GKAP1: variants seen among roughly 807,000 people sequenced by gnomAD.
GKAP1 encodes G kinase-anchoring protein 1.
Under a neutral mutation model 56.7 loss-of-function variants are expected in GKAP1, and 31 were observed. The ratio of observed to expected loss-of-function variants is 0.55; its 90% CI spans 0.41 to 0.74. The LOEUF (loss-of-function observed/expected upper bound fraction) is 0.74, where lower values mean the gene tolerates loss of function less well. GKAP1 is among the 30% of genes least tolerant of loss of function. The pLI is 0.00. For missense variants in GKAP1, 364 were observed against 402.3 expected, an observed-to-expected ratio of 0.90 and a Z score of 0.82; for synonymous variants, 151 against 138.6, an observed-to-expected ratio of 1.09 and a Z score of -0.63.
At chr9:83,802,935 C>G (rs1352619147) in intron 3 of GKAP1, among the ~76,000 whole-genome samples, 3 of 151,930 alleles carry the variant, frequency 2.0e-5, no homozygotes, top group African/African-American at 4.8e-5. Flanking sequence ...TGATGAAACC[C>G]TGTCTCTACC....
intron 5 of GKAP1, among the ~76,000 whole-genome samples, chr9:83,787,248 T>G (rs1944080496): frequency 6.6e-6 from 1 of 152,218 alleles, no homozygotes; most frequent in Non-Finnish European, 1.5e-5. Flanking sequence ...TGAATTTTTT[T>G]GTTAAGATGG....
chr9:83,762,284 A>G (rs1218995976), intron 8 of GKAP1, among the ~76,000 whole-genome samples: 1 of 152,190 alleles, frequency 6.6e-6, no homozygotes, highest in Non-Finnish European at 1.5e-5. Flanking sequence ...AAAAATCAAC[A>G]AAAGTAATCC....
rs73480183 is a variant in GKAP1 at position 83,784,199 on chromosome 9, G to A, written c.562+516C>T. Among the ~76,000 whole-genome samples the A allele has an allele frequency of 9.8e-3, 1,492 of 151,820 alleles. 20 individuals carry two copies. Among genetic ancestry groups the A allele is most frequent in the African/African-American group, 0.034 (1,417 of 41,508 alleles). On this transcript the variant is annotated intron_variant, in intron 6 of 12. Coordinates refer to ENST00000376371, the MANE Select transcript of GKAP1 (RefSeq NM_025211.4). ...TAAGAATTGCTTGAGTCGTGGAGGC[G>A]GAGGTTACAGTGAGCCATGACTGCA...
intron 8 of GKAP1, among the ~76,000 whole-genome samples, chr9:83,763,542 C>G (rs1943610389): frequency 1.3e-5 from 2 of 152,100 alleles, no homozygotes; most frequent in Non-Finnish European, 2.9e-5. Context: ...ATATATACAC[C>G]TACTATGTAG....
At chr9:83,798,300 C>G (rs1944279086) in intron 4 of GKAP1, among the ~76,000 whole-genome samples, 1 of 152,180 alleles carries the variant, frequency 6.6e-6, no homozygotes, top group East Asian at 1.9e-4. Flanking sequence ...CATATAGCAT[C>G]TCCTAGAGTA....
intron 1 of GKAP1, 82 bp downstream of exon 1, chr9:83,817,435 G>T (rs1194374038): frequency 2.6e-5 from 4 of 151,578 alleles, no homozygotes; most frequent in African/African-American, 9.7e-5. Context: ...GGGCGCCGAG[G>T]GGAGCGCTGT....
At chr9:83,799,447 G>A in intron 3 of GKAP1, 119 bp from the exon 4 acceptor site, 1 of 667,888 alleles carries the variant, frequency 1.5e-6, no homozygotes, top group Non-Finnish European at 2.5e-6. Context: ...CACTCGTTTT[G>A]CTAACTCACA....
chr9:83,809,023 CA>C (rs927516971), intron 2 of GKAP1, among the ~76,000 whole-genome samples: 5 of 152,244 alleles, frequency 3.3e-5, no homozygotes, highest in African/African-American at 1.2e-4. Context: ...AGCAAGAAAG[CA>C]ACTTTGCTGC....
chr9:83,782,852 A>G (rs1240725810), intron 6 of GKAP1, among the ~76,000 whole-genome samples: 3 of 151,564 alleles, frequency 2.0e-5, no homozygotes, highest in African/African-American at 7.3e-5. Context: ...TATTTTTAGT[A>G]GAGACAGGGT....
At chr9:83,767,473 C>T (rs1943683981) in intron 8 of GKAP1, among the ~76,000 whole-genome samples, 1 of 151,784 alleles carries the variant, frequency 6.6e-6, no homozygotes, top group African/African-American at 2.4e-5. Context: ...GATTCTCCTC[C>T]TCAGCCTTCC....
intron 2 of GKAP1, among the ~76,000 whole-genome samples, chr9:83,808,318 G>A (rs1001770532): frequency 9.2e-5 from 14 of 152,212 alleles, no homozygotes; most frequent in South Asian, 6.2e-4. Flanking sequence ...CTTATAGGCC[G>A]GGTGCAGTGG....
At chr9:83,815,629 C>T (rs2131334907) in intron 2 of GKAP1, among the ~76,000 whole-genome samples, 1 of 151,992 alleles carries the variant, frequency 6.6e-6, no homozygotes, top group African/African-American at 2.4e-5. Context: ...AAATCAAGAA[C>T]AACCAAATAT....
rs1374414445 is a variant in GKAP1 at position 83,784,757 on chromosome 9, C to A, written c.520G>T (p.Asp174Tyr). Reference sequence around the variant, plus strand: ...TTTAGTGATACTGTGAGAGGTCTGTCTTTTCCCTGATGATTCTTTCTTTTA... The same window carrying A: ...TTTAGTGATACTGTGAGAGGTCTGTATTTTCCCTGATGATTCTTTCTTTTA... ...KDKRKNHQGK[D>Y]RPLTVSLKDF... Residue 174 changes from aspartate to tyrosine, a missense_variant, in exon 6 of 13, where the codon GAC becomes TAC. Coordinates refer to ENST00000376371, the MANE Select transcript of GKAP1 (RefSeq NM_025211.4). 6.2e-7 allele frequency: 1 copy of A among 1,604,864 alleles called. No individual in the cohort carries two copies. Among genetic ancestry groups the A allele is most frequent in the Non-Finnish European group, 8.5e-7 (1 of 1,174,650 alleles).
intron 8 of GKAP1, among the ~76,000 whole-genome samples, chr9:83,757,142 C>T (rs752243083): frequency 2.6e-5 from 4 of 151,840 alleles, no homozygotes; most frequent in African/African-American, 7.3e-5. Context: ...CCAGGTTTTC[C>T]GTGTCTCGGG....
At chr9:83,764,716 T>C (rs918492440) in intron 8 of GKAP1, among the ~76,000 whole-genome samples, 6 of 152,136 alleles carry the variant, frequency 3.9e-5, no homozygotes, top group Non-Finnish European at 7.4e-5. Context: ...GAAGAACTTG[T>C]TGGGAACTGG....
intron 3 of GKAP1, among the ~76,000 whole-genome samples, chr9:83,800,763 C>G (rs958587700): frequency 5.3e-5 from 8 of 152,184 alleles, no homozygotes; most frequent in African/African-American, 1.9e-4. Flanking sequence ...TAGCCAATCA[C>G]AGGTGGTCAA....
At chr9:83,806,591 G>A (rs1320496193) in intron 2 of GKAP1, 31 bp from the exon 3 acceptor site, 18 of 1,214,944 alleles carry the variant, frequency 1.5e-5, no homozygotes, top group Admixed American at 8.8e-5. Flanking sequence ...AGGCAGATGG[G>A]TAAACAAACA....
chr9:83,804,155 C>G (rs1231238422), intron 3 of GKAP1, among the ~76,000 whole-genome samples: 1 of 150,288 alleles, frequency 6.7e-6, no homozygotes, highest in Non-Finnish European at 1.5e-5. Context: ...CCAGCCGCCC[C>G]GTCTGGGAGG....
chr9:83,802,444 T>C (rs1454471347), intron 3 of GKAP1, among the ~76,000 whole-genome samples: 1 of 121,028 alleles, frequency 8.3e-6, no homozygotes, highest in Non-Finnish European at 1.6e-5. Context: ...ATCACGGCAC[T>C]AAAACCCAGC....
Sources: gnomAD v4.1 joint callset for allele counts (sites outside exome capture counted in the v4.1 genomes callset) on GRCh38, gnomAD v4.1.1 for gene constraint, MANE v1.5 for transcripts, NCBI Gene and HGNC (gene_info 2026-07-23, HGNC 2026-07-21) for gene names.